Variants in PDE1C observed in about 807,000 individuals in gnomAD.
The protein encoded by PDE1C is dual specificity calcium/calmodulin-dependent 3',5'-cyclic nucleotide phosphodiesterase 1C.
Under a neutral mutation model 93.1 loss-of-function variants are expected in PDE1C, and 62 were observed. That is an observed-to-expected ratio of 0.67 (90% CI 0.54 to 0.82). The LOEUF is 0.82. Among genes scored for constraint, PDE1C ranks in the 40% least tolerant of loss-of-function variants. The pLI, the probability that PDE1C is intolerant of heterozygous loss-of-function variation, is 0.00. For missense variants in PDE1C, 742 were observed against 884.6 expected, an observed-to-expected ratio of 0.84 and a Z score of 2.04; for synonymous variants, 325 against 310.1, an observed-to-expected ratio of 1.05 and a Z score of -0.50.
At chr7:32,163,289 T>G (rs1013893952) in intron 3 of PDE1C, among the ~76,000 whole-genome samples, 12 of 152,116 alleles carry the variant, frequency 7.9e-5, no homozygotes, top group African/African-American at 2.9e-4. Flanking sequence ...TGCCATATCA[T>G]CAGCCAGACT....
chr7:31,758,396 CA>C (rs1794612434), intron 17 of PDE1C, among the ~76,000 whole-genome samples: 4 of 152,134 alleles, frequency 2.6e-5, no homozygotes, highest in Admixed American at 2.6e-4. Flanking sequence ...TAAAAGCCTT[CA>C]AAAAATATTT....
intron 2 of PDE1C, among the ~76,000 whole-genome samples, chr7:32,187,195 T>A (rs1252396415): frequency 6.6e-6 from 1 of 152,096 alleles, no homozygotes; most frequent in Non-Finnish European, 1.5e-5. Flanking sequence ...GGTCTCACTA[T>A]GTCACCCAGG....
intron 7 of PDE1C, among the ~76,000 whole-genome samples, chr7:31,863,328 G>T (rs748400038): frequency 2.0e-5 from 3 of 152,004 alleles, no homozygotes; most frequent in African/African-American, 4.8e-5. Flanking sequence ...TGATCTAAAA[G>T]GGCTTTATTT....
intron 1 of PDE1C, among the ~76,000 whole-genome samples, chr7:32,391,585 A>C (rs1400031649): frequency 2.0e-5 from 3 of 152,234 alleles, no homozygotes; most frequent in Non-Finnish European, 2.9e-5. Context: ...GGCAGACTAC[A>C]TGCTAGGGCA....
At chr7:32,070,644 A>C, upstream of PDE1C, 2 of 1,385,388 alleles carry the variant, frequency 1.4e-6, no homozygotes, top group Non-Finnish European at 1.9e-6. Context: ...ATGCCCAGGG[A>C]TAAGCACAGG....
Position 32,164,290 on chromosome 7 carries a change from G to C in PDE1C, c.308+5495C>G, listed in dbSNP as rs1802090620. ...AAGGGTAGGTGGATTGAAAACATAA[G>C]TCTAGACTAGAAAAAGATTTAGTGC... On this transcript the variant is annotated intron_variant, in intron 3 of 18. Transcript: ENST00000396193. Among the ~76,000 whole-genome samples, 9 of 152,268 alleles carry C rather than the reference G, an allele frequency of 5.9e-5. No individual in the cohort carries two copies. In the South Asian group the frequency reaches 1.9e-3, roughly 32 times the overall value.
the PDE1C span, among the ~76,000 whole-genome samples, chr7:31,733,362 A>G: frequency 3.9e-5 from 6 of 152,176 alleles, no homozygotes. Flanking sequence ...CAGGGTGGTG[A>G]GGTGGTGGTA....
intron 2 of PDE1C, among the ~76,000 whole-genome samples, chr7:31,999,546 A>G (rs551449161): frequency 5.3e-5 from 8 of 152,206 alleles, no homozygotes; most frequent in South Asian, 4.2e-4. Context: ...GCCACTTCAC[A>G]CTCAGCTTCA....
At chr7:32,082,759 C>G (rs1796782603) in intron 3 of PDE1C, among the ~76,000 whole-genome samples, 1 of 152,224 alleles carries the variant, frequency 6.6e-6, no homozygotes, top group South Asian at 2.1e-4. Flanking sequence ...AAGTGGACCT[C>G]TAGCAAACTC....
chr7:31,803,161 G>A (rs1786286674), intron 16 of PDE1C, among the ~76,000 whole-genome samples: 1 of 151,564 alleles, frequency 6.6e-6, no homozygotes, highest in Non-Finnish European at 1.5e-5. Flanking sequence ...TCCATCCAGT[G>A]TACTCACCAT....
At chr7:32,189,369 T>G (rs1804082272) in intron 2 of PDE1C, among the ~76,000 whole-genome samples, 1 of 152,228 alleles carries the variant, frequency 6.6e-6, no homozygotes, top group Admixed American at 6.5e-5. Context: ...GAAGACAGCA[T>G]TTTTTAAAAA....
chr7:31,875,166 G>A (rs1306657025), intron 5 of PDE1C, among the ~76,000 whole-genome samples: 4 of 152,114 alleles, frequency 2.6e-5, no homozygotes, highest in South Asian at 4.1e-4. Flanking sequence ...TTAGTCCTAA[G>A]GAAAAAGTCA....
chr7:32,148,003 A>AAAAAAAAAAAAAAAAAAAAAAAAAC, intron 3 of PDE1C, among the ~76,000 whole-genome samples: 1 of 149,722 alleles, frequency 6.7e-6, no homozygotes, highest in South Asian at 2.1e-4. Context: ...AAAAAAAAAA[A>AAAAAAAAAAAAAAAAAAAAAAAAAC]AAGCCTAACC....
At chr7:32,023,572 C>T (rs921097989) in intron 2 of PDE1C, among the ~76,000 whole-genome samples, 11 of 151,866 alleles carry the variant, frequency 7.2e-5, no homozygotes, top group African/African-American at 1.7e-4. Context: ...TTGGCACATC[C>T]GTACCGTGGA....
At chr7:32,305,850 C>T (rs1432075287) in intron 1 of PDE1C, among the ~76,000 whole-genome samples, 1 of 152,244 alleles carries the variant, frequency 6.6e-6, no homozygotes, top group East Asian at 1.9e-4. Context: ...GCTCAGTGAG[C>T]AGGGCCTGGG....
the PDE1C span, among the ~76,000 whole-genome samples, chr7:31,716,176 G>A: frequency 4.9e-4 from 75 of 152,084 alleles, no homozygotes; most frequent in Non-Finnish European, 8.4e-4. Flanking sequence ...CACATTCAGG[G>A]GCATATAAGT....
chr7:31,651,334 C>T, the PDE1C span: 2 of 1,560,816 alleles, frequency 1.3e-6, no homozygotes, highest in Admixed American at 3.7e-5. Context: ...GGAAGATAAT[C>T]AGGGCAGAAC....
At chr7:32,041,621 CT>C (rs920915822) in intron 2 of PDE1C, among the ~76,000 whole-genome samples, 40 of 152,232 alleles carry the variant, frequency 2.6e-4, no homozygotes, top group African/African-American at 7.9e-4. Context: ...TTGTTATTTA[CT>C]TTTTTTATGC....
chr7:32,310,867 T>G, intron 1 of PDE1C, among the ~76,000 whole-genome samples: 1 of 151,748 alleles, frequency 6.6e-6, no homozygotes, highest in East Asian at 1.9e-4. Context: ...GCAAACATAT[T>G]CAAAAGCTAG....
Sources: gnomAD v4.1 joint callset for allele counts (sites outside exome capture counted in the v4.1 genomes callset) on GRCh38, gnomAD v4.1.1 for gene constraint, MANE v1.5 for transcripts, NCBI Gene and HGNC (gene_info 2026-07-23, HGNC 2026-07-21) for gene names.